Variants in PACRGL observed in about 807,000 individuals in gnomAD.
PACRGL encodes the protein PACRG-like protein.
A neutral mutation model predicts 34.5 loss-of-function variants in PACRGL; 38 were observed. The ratio of observed to expected loss-of-function variants is 1.10; its 90% CI spans 0.85 to 1.44. The LOEUF is 1.44. Among genes scored for constraint, PACRGL ranks in the 40% most tolerant of loss-of-function variants. The pLI is 0.00. For missense variants in PACRGL, 305 were observed against 281.4 expected (o/e 1.08, Z -0.60); for synonymous variants, 128 against 100.1 (o/e 1.28, Z -1.66).
downstream of PACRGL, chr4:20,732,666 T>C (rs1748615941): frequency 2.6e-6 from 4 of 1,555,470 alleles, no homozygotes; most frequent in Non-Finnish European, 3.5e-6. Flanking sequence ...TCTTGACTTC[T>C]GTTTTAATTC....
At chr4:20,743,425 T>C (rs1197489868) in intron 8 of PACRGL, among the ~76,000 whole-genome samples, 2 of 152,024 alleles carry the variant, frequency 1.3e-5, no homozygotes, top group Non-Finnish European at 2.9e-5. Flanking sequence ...AACAGAGATA[T>C]AGACCAATGG....
rs1748227156 is a variant in PACRGL at position 20,731,589 on chromosome 4, C to CAGAT, written c.*4252_*4255dup. The CAGAT allele has an allele frequency of 1.0e-6, 1 of 985,316 alleles. No individual in the cohort carries two copies. The highest frequency in any genetic ancestry group is 1.2e-6 in the Non-Finnish European group (1 of 829,866). 61.0% of individuals were successfully genotyped at this position (985,316 alleles called of 1,614,324 possible). A position where few individuals can be genotyped will look rare whatever the true frequency, so the allele number is the denominator to read the frequency against. ...AAACAATGACTTTTCTCTTAGAAAT[C>CAGAT]AGATAGAAGCTTGGCCTGTTGTGAT... On this transcript the variant is annotated 3_prime_UTR_variant, in exon 9 of 9. Transcript: ENST00000503585.
intron 1 of PACRGL, among the ~76,000 whole-genome samples, chr4:20,703,573 C>A (rs1233109004): frequency 6.6e-6 from 1 of 150,980 alleles, no homozygotes; most frequent in African/African-American, 2.4e-5. Context: ...TAGCTGGAAA[C>A]CTTGGGGTAT....
At position 20,709,783 on chromosome 4, in the gene PACRGL, C is replaced by T. The variant is rs768182751; in HGVS notation, c.366+10C>T. Reference sequence around the variant, plus strand: ...TATTACTTTAGCTGAGGTAAATATGCCATCTCTTGAATATTTATCAGAAAA... The same window carrying T: ...TATTACTTTAGCTGAGGTAAATATGTCATCTCTTGAATATTTATCAGAAAA... On this transcript the variant is annotated intron_variant, in intron 5 of 8. Transcript: ENST00000503585. The T allele has an allele frequency of 1.9e-6, 3 of 1,553,688 alleles. No homozygotes were observed. Among genetic ancestry groups the T allele is most frequent in the Non-Finnish European group, 1.8e-6 (2 of 1,127,156 alleles).
At chr4:20,738,436 C>G (rs1458042626) in intron 8 of PACRGL, among the ~76,000 whole-genome samples, 1 of 152,092 alleles carries the variant, frequency 6.6e-6, no homozygotes, top group Non-Finnish European at 1.5e-5. Flanking sequence ...AATTATGATT[C>G]ATTAGGTTGA....
chr4:20,732,735 T>G, downstream of PACRGL: 1 of 1,613,092 alleles, frequency 6.2e-7, no homozygotes, highest in Non-Finnish European at 8.5e-7. Context: ...GGACAGGATA[T>G]GTACATTTAC....
At chr4:20,713,367 C>G in intron 6 of PACRGL, 65 bp from the exon 7 acceptor site, 2 of 1,275,262 alleles carry the variant, frequency 1.6e-6, no homozygotes, top group Non-Finnish European at 1.1e-6. Context: ...TCTAACCTAT[C>G]TTTTCTTTCC....
rs372377238 is a variant in PACRGL at position 20,740,938 on chromosome 4, CAG to C, written c.*57-11625_*57-11624del. Among the ~76,000 whole-genome samples the C allele has an allele frequency of 2.3e-3, 354 of 152,138 alleles. 8 individuals are homozygous for C. The South Asian group carries it at 0.046, about 20-fold the overall frequency. The stretch of plus-strand genomic sequence containing the variant: ...GTTGCAATCCTAGTCTCTGATAAAA[CAG>C]ACATTAAACCAACAAAGATCAAAAC... On this transcript the variant is annotated intron_variant, in intron 8 of 8. Transcript: ENST00000507634.
At position 20,713,381 on chromosome 4, in the gene PACRGL, T is replaced by C. The variant is rs746924627; in HGVS notation, c.502-51T>C. On this transcript the variant is annotated intron_variant, in intron 6 of 8. Transcript: ENST00000503585. ...TTCTAACCTATCTTTTCTTTCCTTT[T>C]CTCCTCTCTTCCCTGATGTCCATAC... 5 of 1,400,738 alleles carry C rather than the reference T, an allele frequency of 3.6e-6. No homozygotes were observed. In the South Asian group the frequency reaches 6.0e-5, roughly 17 times the overall value. 86.8% of individuals were successfully genotyped at this position (1,400,738 alleles called of 1,614,324 possible).
intron 5 of PACRGL, among the ~76,000 whole-genome samples, chr4:20,712,303 C>T (rs1737667471): frequency 6.8e-6 from 1 of 147,658 alleles, no homozygotes; most frequent in Non-Finnish European, 1.5e-5. Flanking sequence ...AGAGATTACT[C>T]CTGTCTCATG....
At chr4:20,726,351 G>T (rs1011511752) in intron 8 of PACRGL, among the ~76,000 whole-genome samples, 1 of 152,028 alleles carries the variant, frequency 6.6e-6, no homozygotes, top group Non-Finnish European at 1.5e-5. Flanking sequence ...AAAAGATTTT[G>T]TAGCTACAAG....
At chr4:20,726,798 A>AT (rs1745865390) in intron 8 of PACRGL, among the ~76,000 whole-genome samples, 1 of 152,030 alleles carries the variant, frequency 6.6e-6, no homozygotes, top group African/African-American at 2.4e-5. Context: ...GCCTGATTTG[A>AT]TTTTTTTTCT....
intron 5 of PACRGL, among the ~76,000 whole-genome samples, chr4:20,710,813 G>T (rs1451977525): frequency 2.0e-5 from 3 of 151,524 alleles, no homozygotes; most frequent in Non-Finnish European, 4.4e-5. Flanking sequence ...ATAAGTTTTT[G>T]TTTTTCTTAA....
chr4:20,724,262 A>G (rs1338121611), intron 7 of PACRGL, among the ~76,000 whole-genome samples: 1 of 152,188 alleles, frequency 6.6e-6, no homozygotes, highest in Non-Finnish European at 1.5e-5. Context: ...ATTTTTAAAC[A>G]GCATCTCAAG....
upstream of PACRGL, among the ~76,000 whole-genome samples, chr4:20,700,070 G>C (rs766671273): frequency 3.9e-5 from 6 of 152,154 alleles, no homozygotes; most frequent in Non-Finnish European, 5.9e-5. Context: ...TGAAGACTCG[G>C]GGGGAGGAGT....
rs1748450153 is a variant in PACRGL at position 20,732,156 on chromosome 4, A to G, written c.*4815A>G. ...CAAATGAGCTGAAGCTGATAAAAAG[A>G]AAACCTAGCTGCTTATTTATTTCAC... On this transcript the variant is annotated 3_prime_UTR_variant, in exon 9 of 9. Transcript: ENST00000503585. 6 of 861,842 alleles carry G rather than the reference A, an allele frequency of 7.0e-6. No homozygotes were observed. In the South Asian group the frequency reaches 9.3e-5, roughly 13 times the overall value. The allele number at this position is 861,842 out of a possible 1,614,324, so 53.4% of individuals were successfully genotyped here. A position where few individuals can be genotyped will look rare whatever the true frequency, so the allele number is the denominator to read the frequency against.
At chr4:20,766,462 AG>A in the PACRGL span, among the ~76,000 whole-genome samples, 3 of 152,202 alleles carry the variant, frequency 2.0e-5, no homozygotes, top group Non-Finnish European at 4.4e-5. Flanking sequence ...ACTACCCAGC[AG>A]GCTGAGGCAG....
At chr4:20,750,873 ACTTTTAAC>A (rs1219883066) in intron 8 of PACRGL, among the ~76,000 whole-genome samples, 2 of 152,096 alleles carry the variant, frequency 1.3e-5, no homozygotes, top group Admixed American at 1.3e-4. Context: ...CTATTTTATA[ACTTTTAAC>A]CTTTATTGGG....
chr4:20,716,933 G>A (rs984953610), intron 7 of PACRGL, among the ~76,000 whole-genome samples: 11 of 152,136 alleles, frequency 7.2e-5, no homozygotes, highest in African/African-American at 2.2e-4. Flanking sequence ...TGGTTGAACT[G>A]GTTTACAGTC....
Sources: allele counts gnomAD v4.1 joint callset (sites outside exome capture counted in the v4.1 genomes callset), GRCh38; gene constraint gnomAD v4.1.1; transcripts MANE v1.5; gene names NCBI Gene and HGNC (gene_info 2026-07-23, HGNC 2026-07-21).